SDK1: variants seen among roughly 807,000 people sequenced by gnomAD.
SDK1 encodes sidekick cell adhesion molecule 1, also known as protein sidekick-1.
In SDK1, 157 loss-of-function variants were observed where a neutral mutation model predicts 245.5. That is an observed-to-expected ratio of 0.64 (90% CI 0.56 to 0.73). SDK1 has a LOEUF of 0.73. SDK1 is among the 30% of genes least tolerant of loss of function. The pLI is 0.00. For missense variants in SDK1, 3,583 were observed against 3,002.3 expected (o/e 1.19, Z -4.52); for synonymous variants, 1,647 against 1,278.5 (o/e 1.29, Z -6.15).
Position 3,910,445 on chromosome 7 carries a change from G to C in SDK1, c.848-40478G>C, listed in dbSNP as rs139990152. Among the ~76,000 whole-genome samples the C allele has an allele frequency of 2.2e-3, 334 of 152,278 alleles. 2 individuals carry two copies. The highest frequency in any genetic ancestry group is 7.7e-3 in the African/African-American group (318 of 41,556). ...TCCTGAAGAGGCCAGATTTCTGTGT[G>C]TGTATGTGTGTGCCGGGCATCTGTG... is the stretch of plus-strand genomic sequence containing the variant. On this transcript the variant is annotated intron_variant, in intron 5 of 44. Coordinates refer to ENST00000404826, the MANE Select transcript of SDK1 (RefSeq NM_152744.4).
At chr7:3,972,403 C>CA (rs1372339020) in intron 12 of SDK1, among the ~76,000 whole-genome samples, 1 of 152,148 alleles carries the variant, frequency 6.6e-6, no homozygotes, top group African/African-American at 2.4e-5. Flanking sequence ...GGAATGCCGA[C>CA]ATCCTGTCTT....
At chr7:3,574,292 A>T (rs1325766931) in intron 1 of SDK1, among the ~76,000 whole-genome samples, 2 of 151,444 alleles carry the variant, frequency 1.3e-5, no homozygotes, top group Non-Finnish European at 2.9e-5. Flanking sequence ...AATTTTTTGT[A>T]TTTTTAGTAG....
chr7:4,097,380 T>A (rs569629624), intron 22 of SDK1, among the ~76,000 whole-genome samples: 1 of 152,326 alleles, frequency 6.6e-6, no homozygotes, highest in Non-Finnish European at 1.5e-5. Flanking sequence ...GAGCAGGGAC[T>A]TTGTCTGAGC....
At chr7:3,957,590 C>T (rs939125604) in intron 7 of SDK1, among the ~76,000 whole-genome samples, 4 of 152,044 alleles carry the variant, frequency 2.6e-5, no homozygotes, top group South Asian at 2.1e-4. Context: ...CAGATCATGA[C>T]GGTAGATATT....
intron 1 of SDK1, among the ~76,000 whole-genome samples, chr7:3,581,640 T>C (rs1048077333): frequency 6.6e-6 from 1 of 152,176 alleles, no homozygotes; most frequent in Non-Finnish European, 1.5e-5. Flanking sequence ...GGAATCCCAT[T>C]AATGGGTATA....
intron 4 of SDK1, among the ~76,000 whole-genome samples, chr7:3,728,123 C>G (rs1779062600): frequency 6.6e-6 from 1 of 152,236 alleles, no homozygotes; most frequent in South Asian, 2.1e-4. Context: ...TGAAGTCCCA[C>G]TCTCATACCA....
At chr7:3,361,877 C>T (rs1307580473) in intron 1 of SDK1, among the ~76,000 whole-genome samples, 1 of 152,162 alleles carries the variant, frequency 6.6e-6, no homozygotes, top group African/African-American at 2.4e-5. Context: ...AAGCCATATG[C>T]ACAACCTGGC....
At position 4,086,540 on chromosome 7, in the gene SDK1, G is replaced by A. The variant is rs186886327; in HGVS notation, c.3324+6956G>A. ...ATTCCCAGCTCCTGGAGGTCACCAC[G>A]GTCTGTGGCTCGGGATCCCCTTCCT... is the stretch of plus-strand genomic sequence containing the variant. On this transcript the variant is annotated intron_variant, in intron 22 of 44. Transcript: ENST00000404826. Among the ~76,000 whole-genome samples the A allele has an allele frequency of 1.2e-4, 19 of 152,204 alleles. No homozygotes were observed. The East Asian group carries it at 1.7e-3, about 14-fold the overall frequency.
At chr7:3,436,828 T>C (rs1219524089) in intron 1 of SDK1, among the ~76,000 whole-genome samples, 3 of 152,168 alleles carry the variant, frequency 2.0e-5, no homozygotes, top group Non-Finnish European at 4.4e-5. Context: ...CAGAAGAATG[T>C]TAAACTGCCT....
chr7:3,662,543 G>A lies in SDK1; in HGVS notation c.713+20438G>A, dbSNP rs145056901. On this transcript the variant is annotated intron_variant, in intron 4 of 44. Transcript: ENST00000404826. Reference sequence around the variant, plus strand: ...GAGGACCCAGGCTGTCTTCCTGGAGGTCCAGAGAGAAGAAGGGTGCTGACA... The same window carrying A: ...GAGGACCCAGGCTGTCTTCCTGGAGATCCAGAGAGAAGAAGGGTGCTGACA... Among the ~76,000 whole-genome samples the A allele has an allele frequency of 7.6e-3, 1,156 of 152,284 alleles. 61 individuals are homozygous for A. The highest frequency in any genetic ancestry group is 0.071 in the Admixed American group (1,088 of 15,286).
chr7:3,918,586 T>A (rs556579211), intron 5 of SDK1, among the ~76,000 whole-genome samples: 1 of 152,340 alleles, frequency 6.6e-6, no homozygotes, highest in African/African-American at 2.4e-5. Flanking sequence ...CATTCTGTAT[T>A]ACAATGTAAT....
chr7:3,592,086 T>C (rs1780894367), intron 1 of SDK1, among the ~76,000 whole-genome samples: 1 of 152,238 alleles, frequency 6.6e-6, no homozygotes, highest in Middle Eastern at 3.2e-3. Flanking sequence ...GCTCTATTTT[T>C]GGAAGTAATG....
intron 17 of SDK1, among the ~76,000 whole-genome samples, chr7:4,046,645 A>G (rs1402580496): frequency 6.6e-6 from 1 of 152,198 alleles, no homozygotes; most frequent in East Asian, 1.9e-4. Flanking sequence ...CAGTGTGTCC[A>G]GCCCTTCTCC....
In SDK1 at chr7:3,488,195, G is replaced by T. The variant is rs1000420108; in HGVS notation, c.299-130885G>T. 2.6e-5 allele frequency among the ~76,000 whole-genome samples: 4 copies of T among 151,914 alleles called. 1 individual carries two copies. Among genetic ancestry groups the T allele is most frequent in the Admixed American group, 2.0e-4 (3 of 15,216 alleles). On this transcript the variant is annotated intron_variant, in intron 1 of 44. Coordinates refer to ENST00000404826, the MANE Select transcript of SDK1 (RefSeq NM_152744.4). Reference sequence around the variant, plus strand: ...ATGACTAATTTGTTTTCTGCCTCCCGTTCCCTCTGCCACTCCTCCTCCCCA... The same window carrying T: ...ATGACTAATTTGTTTTCTGCCTCCCTTTCCCTCTGCCACTCCTCCTCCCCA...
At chr7:3,718,723 A>T (rs201860414) in intron 4 of SDK1, among the ~76,000 whole-genome samples, 2 of 152,052 alleles carry the variant, frequency 1.3e-5, no homozygotes, top group Non-Finnish European at 2.9e-5. Flanking sequence ...TTTTTCCCCA[A>T]AGTTGGGAAC....
intron 17 of SDK1, among the ~76,000 whole-genome samples, chr7:4,019,577 T>C (rs1420066948): frequency 1.3e-5 from 2 of 152,060 alleles, no homozygotes; most frequent in African/African-American, 4.8e-5. Flanking sequence ...CTGACTTCGA[T>C]TGGTCCAAAT....
At chr7:4,127,248 A>T in intron 25 of SDK1, 133 bp from the exon 26 acceptor site, 1 of 706,446 alleles carries the variant, frequency 1.4e-6, no homozygotes, top group Non-Finnish European at 2.6e-6. Flanking sequence ...CTGTAGGTTT[A>T]ATCTGATCAC....
At chr7:4,152,044 C>T (rs1385536535) in intron 30 of SDK1, among the ~76,000 whole-genome samples, 3 of 152,226 alleles carry the variant, frequency 2.0e-5, no homozygotes, top group African/African-American at 4.8e-5. Flanking sequence ...AAAAGTCCAA[C>T]CCTTGGCTGC....
At chr7:3,933,397 G>C (rs1024210865) in intron 5 of SDK1, among the ~76,000 whole-genome samples, 1 of 152,164 alleles carries the variant, frequency 6.6e-6, no homozygotes, top group Non-Finnish European at 1.5e-5. Flanking sequence ...ACAGGTGTGA[G>C]CCGCTGCACC....
Sources: allele counts gnomAD v4.1 joint callset (sites outside exome capture counted in the v4.1 genomes callset), GRCh38; gene constraint gnomAD v4.1.1; transcripts MANE v1.5; gene names NCBI Gene and HGNC (gene_info 2026-07-23, HGNC 2026-07-21).